PRDM2: variants seen among roughly 807,000 people sequenced by gnomAD.
PRDM2 encodes PR/SET domain 2.
Under a neutral mutation model 130.0 loss-of-function variants are expected in PRDM2, and 30 were observed. That is an observed-to-expected ratio of 0.23 (90% CI 0.17 to 0.31). The LOEUF is 0.31. Among genes scored for constraint, PRDM2 ranks in the 10% least tolerant of loss-of-function variants. PRDM2 has a pLI of 1.00. For synonymous variants in PRDM2, 871 were observed against 782.4 expected (o/e 1.11, Z -1.89); for missense variants, 2,011 against 2,108.4 (o/e 0.95, Z 0.90).
intron 1 of PRDM2, among the ~76,000 whole-genome samples, chr1:13,701,958 A>G (rs1035227620): frequency 1.3e-4 from 20 of 152,220 alleles, no homozygotes; most frequent in African/African-American, 4.6e-4. Context: ...GAAACAGTAC[A>G]GTTTAAATCT....
rs1644630984 is a variant in PRDM2 at position 13,782,287 on chromosome 1, G to A, written c.4492G>A (p.Gly1498Arg). The change falls in exon 8 of 10, where the codon GGA (glycine) becomes AGA (arginine). Residue 1498 changes from glycine to arginine, a missense_variant. Gly to Arg is a moderately radical substitution (Grantham distance 125). Around this residue, in one of 5 missense-constraint regions of PRDM2, gnomAD observed 410 missense variants for 395.9 expected, o/e 1.04. Coordinates refer to ENST00000311066, the MANE Select transcript of PRDM2 (RefSeq NM_001393986.1). ...AGTTTCTCATTCATCTAAGAAAGGT[G>A]GACACTCATCACCTGCAAGTAGTGA... ...KKVSHSSKKG[G>R]HSSPASSDKN... 1.9e-6 allele frequency: 3 copies of A among 1,613,826 alleles called. No individual in the cohort carries two copies. The Admixed American group carries it at 5.0e-5, about 27-fold the overall frequency.
At position 13,779,340 on chromosome 1, in the gene PRDM2, A is replaced by G; in HGVS notation, c.1545A>G (p.Val515=). The G allele has an allele frequency of 2.5e-6, 4 of 1,614,192 alleles. No individual in the cohort carries two copies. The highest frequency in any genetic ancestry group is 2.5e-6 in the Non-Finnish European group (3 of 1,180,026). Residue 515 remains valine, a synonymous_variant, in exon 8 of 10, where the codon GTA becomes GTG. Coordinates refer to ENST00000311066, the MANE Select transcript of PRDM2 (RefSeq NM_001393986.1). This position sits in a 1 kb window ranked among gnomAD's most constrained non-coding sequence, Gnocchi z 4.9. ...AACGTCATCTGATTCCCAAAGGTGT[A>G]CGGCGAAAAGGAGGCCTTGAAGAGC... ...VHERHLIPKG[V]RRKGGLEEPQ... is the part of the protein sequence containing the mutation.
At chr1:13,732,994 A>G (rs967822256) in intron 4 of PRDM2, 112 bp downstream of exon 4, 4 of 758,746 alleles carry the variant, frequency 5.3e-6, no homozygotes, top group Non-Finnish European at 6.3e-6. Flanking sequence ...TGTTCTTTAA[A>G]GTCAAGAATA....
At chr1:13,756,262 CAA>C (rs1288638873) in intron 6 of PRDM2, among the ~76,000 whole-genome samples, 27 of 79,634 alleles carry the variant, frequency 3.4e-4, no homozygotes, top group South Asian at 3.8e-4. Context: ...GACTCCTTCT[CAA>C]AAAAAAAAAA....
At chr1:13,777,658 G>T (rs1644508007) in intron 7 of PRDM2, among the ~76,000 whole-genome samples, 2 of 67,702 alleles carry the variant, frequency 3.0e-5, no homozygotes, top group Non-Finnish European at 2.6e-5. Flanking sequence ...ATATTTGCAT[G>T]CCTCATTTTC....
intron 8 of PRDM2, among the ~76,000 whole-genome samples, chr1:13,811,079 G>GCA (rs1289871613): frequency 6.6e-6 from 1 of 152,038 alleles, no homozygotes; most frequent in African/African-American, 2.4e-5. Flanking sequence ...AGGTACTCAG[G>GCA]AGGCTGAGGC....
In PRDM2 at chr1:13,806,627, C is replaced by T. The variant is rs1295498373; in HGVS notation, c.5037-9800C>T. On this transcript the variant is annotated intron_variant, in intron 8 of 9. Transcript: ENST00000311066. This position sits in a 1 kb window ranked among gnomAD's most constrained non-coding sequence, Gnocchi z 4.1. ...CAAACTCACCCGGAATCCACAGCTT[C>T]TCTCAGCTCAGCCTCCTCAGCTGAC... Among the ~76,000 whole-genome samples, 3 of 152,176 alleles carry T rather than the reference C, an allele frequency of 2.0e-5. No individual in the cohort carries two copies. The highest frequency in any genetic ancestry group is 2.9e-5 in the Non-Finnish European group (2 of 68,026).
chr1:13,819,481 TA>T (rs1645312523), intron 9 of PRDM2, among the ~76,000 whole-genome samples: 1 of 152,222 alleles, frequency 6.6e-6, no homozygotes, highest in East Asian at 1.9e-4. Flanking sequence ...ACTTGCTCCT[TA>T]AAATCTTCTG....
chr1:13,718,411 C>G (rs1443976228), intron 2 of PRDM2, among the ~76,000 whole-genome samples: 1 of 152,078 alleles, frequency 6.6e-6, no homozygotes, highest in African/African-American at 2.4e-5. Flanking sequence ...TTATTGATTC[C>G]TTTAGAAGAA....
intron 7 of PRDM2, among the ~76,000 whole-genome samples, chr1:13,775,761 T>A (rs1644461997): frequency 6.6e-6 from 1 of 152,158 alleles, no homozygotes; most frequent in Non-Finnish European, 1.5e-5. Flanking sequence ...CTTTTCTGCC[T>A]CCACTGCCTC....
At chr1:13,712,900 C>A (rs148327747) in intron 1 of PRDM2, among the ~76,000 whole-genome samples, 1 of 152,236 alleles carries the variant, frequency 6.6e-6, no homozygotes, top group South Asian at 2.1e-4. Context: ...CATCAGCCTC[C>A]GACATTGCCT....
At chr1:13,811,997 A>T (rs1440904039) in intron 8 of PRDM2, among the ~76,000 whole-genome samples, 1 of 152,178 alleles carries the variant, frequency 6.6e-6, no homozygotes, top group Non-Finnish European at 1.5e-5. Flanking sequence ...AGAGTGCGTG[A>T]GGGGACTGGG....
At chr1:13,789,379 T>C (rs1425926767) in intron 8 of PRDM2, among the ~76,000 whole-genome samples, 1 of 152,256 alleles carries the variant, frequency 6.6e-6, no homozygotes, top group Non-Finnish European at 1.5e-5. Flanking sequence ...ACTTAATGTA[T>C]GCCTGGCTGT....
Position 13,771,902 on chromosome 1 carries a change from G to A in PRDM2, c.512-1176G>A, listed in dbSNP as rs537282212. 1 of 152,246 alleles carries A rather than the reference G, an allele frequency of 6.6e-6. No individual in the cohort carries two copies. The highest frequency in any genetic ancestry group is 2.4e-5 in the African/African-American group (1 of 41,544). The allele number at this position is 152,246 out of a possible 1,614,324, so 9.4% of individuals were successfully genotyped here. On this transcript the variant is annotated intron_variant, in intron 6 of 9. Coordinates refer to ENST00000311066, the MANE Select transcript of PRDM2 (RefSeq NM_001393986.1). This position sits in a 1 kb window ranked among gnomAD's most constrained non-coding sequence, Gnocchi z 4.1. ...ATTTGATGTTTCTACTTTTAATCTA[G>A]ATGTTTTCAATGATGCTATTTTATG...
rs780464196 is a variant in PRDM2 at position 13,780,660 on chromosome 1, C to A, written c.2865C>A (p.Ser955=). The change falls in exon 8 of 10, where the codon TCC becomes TCA. Residue 955 remains serine (S), a synonymous_variant. Transcript: ENST00000311066. ...CPSSPALQTP[S]LSSGQLPPLL... ...CATCACCTGCCCTGCAGACACCCTC[C>A]CTTTCATCCGGTCAGCTGCCTCCTC... 1 of 1,612,398 alleles carries A rather than the reference C, an allele frequency of 6.2e-7. No individual in the cohort carries two copies. Among genetic ancestry groups the A allele is most frequent in the African/African-American group, 1.3e-5 (1 of 74,828 alleles).
Position 13,731,135 on chromosome 1 carries a change from C to T in PRDM2, c.127+18C>T. On this transcript the variant is annotated intron_variant, in intron 3 of 9. Transcript: ENST00000311066. Reference sequence around the variant, plus strand: ...CCGGATTGGTGAGTGCTCCTCCTGTCACGGAGCAAGTCAGGCAGTAAAGAG... The same window carrying T: ...CCGGATTGGTGAGTGCTCCTCCTGTTACGGAGCAAGTCAGGCAGTAAAGAG... 1 of 1,593,706 alleles carries T rather than the reference C, an allele frequency of 6.3e-7. No homozygotes were observed. Among genetic ancestry groups the T allele is most frequent in the African/African-American group, 1.3e-5 (1 of 74,464 alleles).
chr1:13,807,016 T>G (rs1025297501), intron 8 of PRDM2, among the ~76,000 whole-genome samples: 8 of 152,212 alleles, frequency 5.3e-5, no homozygotes, highest in African/African-American at 1.9e-4. Context: ...TCCTCCACTC[T>G]GACCTTCACT....
At position 13,780,156 on chromosome 1, in the gene PRDM2, T is replaced by C. The variant is rs1233320230; in HGVS notation, c.2361T>C (p.Ser787=). The part of the protein sequence containing the change: ...SHSDSPAWSL[S]GRDERETVSP... The stretch of plus-strand genomic sequence containing the variant: ...GCGACTCACCAGCATGGAGTTTGTC[T>C]GGGAGAGATGAGAGAGAAACTGTGA... The change falls in exon 8 of 10, where the codon TCT becomes TCC. Residue 787 remains serine, a synonymous_variant. Coordinates refer to ENST00000311066, the MANE Select transcript of PRDM2 (RefSeq NM_001393986.1). 6.2e-7 allele frequency: 1 copy of C among 1,604,214 alleles called. No individual in the cohort carries two copies. The highest frequency in any genetic ancestry group is 8.5e-7 in the Non-Finnish European group (1 of 1,174,416).
intron 2 of PRDM2, among the ~76,000 whole-genome samples, chr1:13,717,797 C>T (rs547572239): frequency 3.4e-4 from 51 of 151,904 alleles, no homozygotes; most frequent in Non-Finnish European, 6.5e-4. Flanking sequence ...AAAGTGTCCT[C>T]TTATGTTTCT....
Sources: allele counts gnomAD v4.1 joint callset (sites outside exome capture counted in the v4.1 genomes callset), GRCh38; gene constraint gnomAD v4.1.1; regional missense constraint gnomAD v4.1.1; non-coding constraint Gnocchi (gnomAD v3.1); transcripts MANE v1.5; gene names NCBI Gene and HGNC (gene_info 2026-07-23, HGNC 2026-07-21).